Variants in POLR3A observed in about 807,000 individuals in gnomAD.
POLR3A encodes RNA polymerase III subunit A.
A neutral mutation model predicts 152.8 loss-of-function variants in POLR3A; 112 were observed. The ratio of observed to expected loss-of-function variants is 0.73; its 90% CI spans 0.63 to 0.86. POLR3A has a LOEUF of 0.86. Ranked by LOEUF, POLR3A falls within the 40% of genes least tolerant of loss-of-function variation. The pLI, the probability that POLR3A is intolerant of heterozygous loss-of-function variation, is 0.00. For missense variants in POLR3A, 1,385 were observed against 1,743.1 expected, an observed-to-expected ratio of 0.79 and a Z score of 3.66; for synonymous variants, 615 against 652.1, an observed-to-expected ratio of 0.94 and a Z score of 0.87.
intron 18 of POLR3A, 116 bp from the exon 19 acceptor site, chr10:78,000,234 T>C: frequency 1.2e-6 from 1 of 826,212 alleles, no homozygotes; most frequent in East Asian, 2.7e-5. Flanking sequence ...CTGGCCAGTA[T>C]ATTCTCACTA....
intron 8 of POLR3A, 121 bp from the exon 9 acceptor site, chr10:78,019,386 T>TG (rs1847555987): frequency 1.3e-6 from 1 of 753,272 alleles, no homozygotes. Flanking sequence ...AGAGGCATCC[T>TG]GGGCAGCCTG....
intron 16 of POLR3A, among the ~76,000 whole-genome samples, chr10:78,004,212 T>A (rs987354833): frequency 6.6e-6 from 1 of 152,000 alleles, no homozygotes; most frequent in African/African-American, 2.4e-5. Context: ...CCAGCCTGGC[T>A]GGAGTGCTTC....
At chr10:78,012,791 A>C (rs1452992681) in intron 11 of POLR3A, among the ~76,000 whole-genome samples, 2 of 151,880 alleles carry the variant, frequency 1.3e-5, no homozygotes, top group Admixed American at 1.3e-4. Flanking sequence ...GTGCAATCAC[A>C]GCTCACTGCA....
At chr10:78,013,158 T>A in intron 11 of POLR3A, 1 of 194,702 alleles carries the variant, frequency 5.1e-6, no homozygotes, top group Admixed American at 5.3e-5. Context: ...ATTATCATTA[T>A]GTATAATACT....
chr10:77,978,692 GCT>G (rs1372501732), intron 30 of POLR3A, among the ~76,000 whole-genome samples: 1 of 140,054 alleles, frequency 7.1e-6, no homozygotes, highest in Admixed American at 7.6e-5. Context: ...ACGGAGTCCT[GCT>G]CTGTTGCTCA....
At chr10:78,016,125 C>T (rs1451187912) in intron 10 of POLR3A, among the ~76,000 whole-genome samples, 1 of 152,202 alleles carries the variant, frequency 6.6e-6, no homozygotes, top group East Asian at 1.9e-4. Context: ...ATTTCATTTC[C>T]ATTTTAAATC....
At chr10:77,982,940 A>G (rs1187244118) in intron 26 of POLR3A, 123 bp from the exon 27 acceptor site, 1 of 759,752 alleles carries the variant, frequency 1.3e-6, no homozygotes, top group African/African-American at 1.7e-5. Flanking sequence ...CCGCACCATG[A>G]AATTAATACC....
intron 7 of POLR3A, 81 bp downstream of exon 7, chr10:78,021,779 A>G: frequency 6.2e-7 from 1 of 1,609,366 alleles, no homozygotes; most frequent in Non-Finnish European, 8.5e-7. Context: ...GTGACCTCCA[A>G]TCAGAGAAGC....
intron 21 of POLR3A, among the ~76,000 whole-genome samples, chr10:77,988,327 G>T (rs1318383385): frequency 1.3e-5 from 2 of 152,046 alleles, no homozygotes; most frequent in African/African-American, 4.8e-5. Flanking sequence ...TTGGAGACCA[G>T]CCTGGCCAAC....
At chr10:78,000,369 C>T (rs552987686) in intron 18 of POLR3A, among the ~76,000 whole-genome samples, 2 of 152,168 alleles carry the variant, frequency 1.3e-5, no homozygotes, top group African/African-American at 2.4e-5. Context: ...GAGAGGGAAA[C>T]CTAAGATCTG....
At chr10:77,978,759 C>T (rs969732010) in intron 30 of POLR3A, among the ~76,000 whole-genome samples, 2 of 150,490 alleles carry the variant, frequency 1.3e-5, no homozygotes, top group African/African-American at 4.9e-5. Context: ...CTCCCAGGTT[C>T]AAGAGATTCT....
chr10:78,025,505 G>A, intron 3 of POLR3A, 117 bp downstream of exon 3: 1 of 932,736 alleles, frequency 1.1e-6, no homozygotes, highest in Non-Finnish European at 1.8e-6. Context: ...TATGTACTTA[G>A]TATAAAAGAG....
At chr10:77,982,390 C>T in intron 27 of POLR3A, 72 bp from the exon 28 acceptor site, 3 of 1,397,056 alleles carry the variant, frequency 2.1e-6, no homozygotes, top group Non-Finnish European at 3.1e-6. Context: ...TTGATCACCC[C>T]AGCTTTCAGC....
intron 14 of POLR3A, 45 bp from the exon 15 acceptor site, chr10:78,007,911 T>C (rs745467437): frequency 6.5e-7 from 1 of 1,542,796 alleles, no homozygotes; most frequent in Non-Finnish European, 9.0e-7. Flanking sequence ...TTTATTACTT[T>C]GCCTTATTCC....
intron 20 of POLR3A, among the ~76,000 whole-genome samples, chr10:77,991,971 T>A (rs985755475): frequency 6.6e-6 from 1 of 152,226 alleles, no homozygotes; most frequent in African/African-American, 2.4e-5. Flanking sequence ...AGAAAAAACA[T>A]TCTTGGCATA....
intron 21 of POLR3A, among the ~76,000 whole-genome samples, chr10:77,989,615 C>T (rs1181311604): frequency 1.3e-5 from 2 of 152,158 alleles, no homozygotes; most frequent in Non-Finnish European, 2.9e-5. Context: ...GGAACCAGTC[C>T]AAAGCAAAGC....
chr10:78,018,170 C>CA (rs112691299), intron 9 of POLR3A, among the ~76,000 whole-genome samples: 3,943 of 69,378 alleles, frequency 0.057, 91 homozygotes, highest in Admixed American at 0.078. Flanking sequence ...ACTGAGACAT[C>CA]AAAAAAAAAA....
chr10:78,025,820 C>A (rs897698408), intron 2 of POLR3A, 61 bp from the exon 3 acceptor site: 1 of 1,494,404 alleles, frequency 6.7e-7, no homozygotes, highest in Non-Finnish European at 9.3e-7. Context: ...GAGTGCCCAG[C>A]CATCATGCCT....
In POLR3A at chr10:77,979,476, G is replaced by A. The variant is rs148974041; in HGVS notation, c.4024+665C>T. ...AGTCAGTGCTGGTCTCACGGAAGAG[G>A]CAGGGAAGCCAGACACTGGGGAGAG... On this transcript the variant is annotated intron_variant, in intron 30 of 30. Transcript: ENST00000372371. Among the ~76,000 whole-genome samples the A allele has an allele frequency of 2.4e-3, 366 of 152,348 alleles. 4 individuals are homozygous for A. The highest frequency in any genetic ancestry group is 0.017 in the Middle Eastern group (5 of 294).
Sources: gnomAD v4.1 joint callset for allele counts (sites outside exome capture counted in the v4.1 genomes callset) on GRCh38, gnomAD v4.1.1 for gene constraint, MANE v1.5 for transcripts, NCBI Gene and HGNC (gene_info 2026-07-23, HGNC 2026-07-21) for gene names.